The following EYS variants were observed in gnomAD, a reference collection of about 807,000 sequenced individuals.
EYS encodes EGF-like photoreceptor maintenance factor, also known as protein eyes shut homolog.
EYS carries 250 observed loss-of-function variants against 282.1 expected under a neutral mutation model. The observed-to-expected ratio is 0.89, with a 90% CI of 0.80 to 0.98. The LOEUF is 0.98. EYS is among the 50% of genes least tolerant of loss of function. EYS has a pLI of 0.00. For missense variants in EYS, 4,016 were observed against 3,709.0 expected (o/e 1.08, Z -2.15); for synonymous variants, 1,355 against 1,282.9 (o/e 1.06, Z -1.20).
chr6:64,411,896 T>G (rs72887697), intron 28 of EYS, among the ~76,000 whole-genome samples: 1 of 105,736 alleles, frequency 9.5e-6, no homozygotes, highest in Admixed American at 9.7e-5. Context: ...TACACATATA[T>G]ATGTATATAT....
intron 22 of EYS, among the ~76,000 whole-genome samples, chr6:64,803,558 C>T (rs1764327747): frequency 6.6e-6 from 1 of 152,216 alleles, no homozygotes; most frequent in Non-Finnish European, 1.5e-5. Flanking sequence ...TGGGGACTCA[C>T]CCCTTTCTGC....
At chr6:64,678,440 T>C (rs1769770463) in intron 22 of EYS, among the ~76,000 whole-genome samples, 1 of 151,918 alleles carries the variant, frequency 6.6e-6, no homozygotes, top group Admixed American at 6.6e-5. Flanking sequence ...TAGCTGGGCA[T>C]GGTGGCACGT....
At chr6:65,071,665 G>T (rs376447217) in intron 12 of EYS, among the ~76,000 whole-genome samples, 4 of 151,844 alleles carry the variant, frequency 2.6e-5, no homozygotes, top group African/African-American at 7.2e-5. Flanking sequence ...TGACAACCAA[G>T]GGAAATAATA....
At chr6:63,984,811 C>T (rs1356095708) in intron 34 of EYS, among the ~76,000 whole-genome samples, 1 of 151,672 alleles carries the variant, frequency 6.6e-6, no homozygotes, top group Non-Finnish European at 1.5e-5. Flanking sequence ...TCTTTTTTAG[C>T]TCTAACAATA....
At chr6:65,057,124 T>C (rs1276547243) in intron 13 of EYS, among the ~76,000 whole-genome samples, 4 of 151,984 alleles carry the variant, frequency 2.6e-5, no homozygotes, top group Non-Finnish European at 5.9e-5. Context: ...AATAATATAT[T>C]AACATATTTA....
intron 22 of EYS, among the ~76,000 whole-genome samples, chr6:64,659,834 C>G (rs1403210473): frequency 6.6e-6 from 1 of 151,970 alleles, no homozygotes; most frequent in Non-Finnish European, 1.5e-5. Context: ...CCATTCCTTC[C>G]GAAATTATTC....
chr6:65,353,375 TTG>T (rs1264453052), intron 9 of EYS, 81 bp downstream of exon 9: 1 of 1,162,588 alleles, frequency 8.6e-7, no homozygotes. Context: ...ATAAAATACT[TTG>T]TGTGTTTAGA....
At chr6:65,556,503 A>G (rs1768808655) in intron 2 of EYS, among the ~76,000 whole-genome samples, 1 of 152,030 alleles carries the variant, frequency 6.6e-6, no homozygotes. Context: ...ATTAAAGTCC[A>G]TGTAAGAGAG....
intron 18 of EYS, among the ~76,000 whole-genome samples, chr6:64,894,238 C>T (rs1024801133): frequency 2.6e-5 from 4 of 151,998 alleles, no homozygotes; most frequent in African/African-American, 9.7e-5. Context: ...GTTCATATAT[C>T]CTTGCTGACA....
chr6:64,918,777 TAGAA>T (rs1450842383), intron 15 of EYS, among the ~76,000 whole-genome samples: 1 of 152,058 alleles, frequency 6.6e-6, no homozygotes, highest in African/African-American at 2.4e-5. Context: ...ACGATGGAAA[TAGAA>T]GAAAATAAGA....
At chr6:64,895,659 G>A (rs972645409) in intron 18 of EYS, among the ~76,000 whole-genome samples, 5 of 152,160 alleles carry the variant, frequency 3.3e-5, no homozygotes, top group African/African-American at 4.8e-5. Context: ...ATGTGGAAAC[G>A]TGATCTGCAA....
chr6:65,151,978 T>C (rs1423020552), intron 12 of EYS, among the ~76,000 whole-genome samples: 3 of 152,010 alleles, frequency 2.0e-5, no homozygotes, highest in Admixed American at 6.6e-5. Flanking sequence ...TTGTAAAATA[T>C]GTTTTTATTA....
chr6:65,098,489 C>G (rs373678452), intron 12 of EYS, among the ~76,000 whole-genome samples: 7 of 150,872 alleles, frequency 4.6e-5, no homozygotes, highest in African/African-American at 1.7e-4. Context: ...TAGTAAAGCT[C>G]TTAGTGCCAG....
At chr6:65,621,693 G>A (rs1219237830) in intron 2 of EYS, among the ~76,000 whole-genome samples, 1 of 151,916 alleles carries the variant, frequency 6.6e-6, no homozygotes, top group Non-Finnish European at 1.5e-5. Context: ...GGCTGGTATT[G>A]GTTGTTCCTT....
At chr6:65,455,979 G>C (rs1482620223) in intron 5 of EYS, among the ~76,000 whole-genome samples, 1 of 140,098 alleles carries the variant, frequency 7.1e-6, no homozygotes, top group Admixed American at 7.7e-5. Context: ...GAAGGGGAAA[G>C]AAAGAAAGAG....
chr6:65,108,937 G>A (rs1427793961), intron 12 of EYS, among the ~76,000 whole-genome samples: 2 of 151,836 alleles, frequency 1.3e-5, no homozygotes, highest in Non-Finnish European at 2.9e-5. Flanking sequence ...ATACTTGAAA[G>A]TTCACTTTCT....
At chr6:64,782,297 A>T (rs1773886797) in intron 22 of EYS, among the ~76,000 whole-genome samples, 1 of 152,216 alleles carries the variant, frequency 6.6e-6, no homozygotes, top group South Asian at 2.1e-4. Context: ...AACCTTCCAG[A>T]ATATTGAAAC....
At chr6:64,447,673 C>A (rs753494891) in intron 26 of EYS, among the ~76,000 whole-genome samples, 2 of 152,006 alleles carry the variant, frequency 1.3e-5, no homozygotes, top group Non-Finnish European at 2.9e-5. Context: ...AAATTAAAAG[C>A]TAGACTACAG....
chr6:64,968,679 G>A (rs559804184), intron 14 of EYS, among the ~76,000 whole-genome samples: 1 of 152,060 alleles, frequency 6.6e-6, no homozygotes, highest in Non-Finnish European at 1.5e-5. Flanking sequence ...CCTACTCCAT[G>A]TTTATTTTCT....
Sources: gnomAD v4.1 joint callset for allele counts (sites outside exome capture counted in the v4.1 genomes callset) on GRCh38, gnomAD v4.1.1 for gene constraint, MANE v1.5 for transcripts, NCBI Gene and HGNC (gene_info 2026-07-23, HGNC 2026-07-21) for gene names.